The following ATP7A variants were observed in gnomAD, a reference collection of about 807,000 sequenced individuals.
The protein encoded by ATP7A is ATPase copper transporting alpha.
Under a neutral mutation model 83.5 loss-of-function variants are expected in ATP7A, and 7 were observed. The observed-to-expected ratio is 0.08, with a 90% confidence interval of 0.05 to 0.16. ATP7A has a LOEUF of 0.16. Ranked by LOEUF, ATP7A falls within the 10% of genes least tolerant of loss-of-function variation. The pLI is 1.00. For missense variants in ATP7A, 940 were observed against 1,120.8 expected (o/e 0.84, Z 2.30); for synonymous variants, 354 against 395.2 (o/e 0.90, Z 1.24).
intron 9 of ATP7A, 97 bp downstream of exon 9, chrX:78,011,771 A>G (rs782470669): frequency 2.4e-6 from 2 of 820,646 alleles, no homozygotes; most frequent in South Asian, 2.0e-5. Context: ...GATGTTAGCT[A>G]GAAGTCTGAT....
At chrX:77,937,242 T>G (rs2077324852) in intron 1 of ATP7A, among the ~76,000 whole-genome samples, 2 of 112,466 alleles carry the variant, frequency 1.8e-5, no homozygotes, top group Non-Finnish European at 3.8e-5. Flanking sequence ...GTTGTGATCC[T>G]AAACATCATC....
chrX:78,039,793 A>G (rs1217942550), intron 18 of ATP7A, among the ~76,000 whole-genome samples: 2 of 112,335 alleles, frequency 1.8e-5, no homozygotes, highest in Non-Finnish European at 3.8e-5. Context: ...TTGTACACAT[A>G]CTATTTTATT....
At chrX:77,937,069 A>G (rs2077323768) in intron 1 of ATP7A, among the ~76,000 whole-genome samples, 1 of 113,039 alleles carries the variant, frequency 8.8e-6, no homozygotes, top group African/African-American at 3.2e-5. Flanking sequence ...AGATATGAAA[A>G]TAGCAAATAA....
At chrX:77,962,525 C>T in intron 1 of ATP7A, 1 of 275,018 alleles carries the variant, frequency 3.6e-6, no homozygotes. Flanking sequence ...AACCTGGACA[C>T]CCTCCACTGT....
intron 1 of ATP7A, among the ~76,000 whole-genome samples, chrX:77,932,919 GGGGAGA>G (rs375922738): frequency 0.049 from 5,402 of 109,864 alleles, 157 homozygotes; most frequent in African/African-American, 0.1. Context: ...GGGGGACCGT[GGGGAGA>G]GGGAGAGGGA....
chrX:77,964,147 T>C (rs1395407763), intron 1 of ATP7A: 2 of 112,184 alleles, frequency 1.8e-5, no homozygotes, highest in Non-Finnish European at 3.8e-5. Context: ...AATAACATGA[T>C]TGTTTTTATA....
At chrX:77,948,577 A>T (rs1431438498) in intron 1 of ATP7A, among the ~76,000 whole-genome samples, 1 of 112,529 alleles carries the variant, frequency 8.9e-6, no homozygotes, top group Non-Finnish European at 1.9e-5. Context: ...AATGGCAGCA[A>T]CTTAAAGAAT....
At chrX:78,045,681 T>G in intron 22 of ATP7A, 109 bp downstream of exon 22, 1 of 794,347 alleles carries the variant, frequency 1.3e-6, no homozygotes, top group African/African-American at 2.0e-5. Context: ...AAACCATTCT[T>G]AATGAGAATT....
chrX:77,989,085 C>T, intron 3 of ATP7A, 148 bp from the exon 4 acceptor site: 2 of 718,743 alleles, frequency 2.8e-6, no homozygotes, highest in Non-Finnish European at 3.9e-6. Flanking sequence ...ATGCCAATAA[C>T]ATTTTCTGAA....
intron 1 of ATP7A, among the ~76,000 whole-genome samples, chrX:77,934,525 T>A (rs2077309380): frequency 8.9e-6 from 1 of 111,825 alleles, no homozygotes; most frequent in Non-Finnish European, 1.9e-5. Context: ...CTTGTTCTGT[T>A]ATGAATGCAC....
chrX:78,007,402 T>A (rs2077783622), intron 6 of ATP7A, among the ~76,000 whole-genome samples: 1 of 111,452 alleles, frequency 9.0e-6, no homozygotes, highest in South Asian at 3.7e-4. Flanking sequence ...CTTGGCTCAC[T>A]GCAAGCCCCG....
intron 1 of ATP7A, among the ~76,000 whole-genome samples, chrX:77,916,513 A>G (rs1441389506): frequency 2.7e-5 from 3 of 110,773 alleles, no homozygotes; most frequent in Non-Finnish European, 5.7e-5. Context: ...TGCTCATCCT[A>G]TTTCCCTATC....
chrX:77,969,533 C>T lies in ATP7A; in HGVS notation c.-21-2088C>T, dbSNP rs1440539287. 1 of 1,211,338 alleles carries T rather than the reference C, an allele frequency of 8.3e-7. No individual in the cohort carries two copies. Among genetic ancestry groups the T allele is most frequent in the Non-Finnish European group, 1.1e-6 (1 of 895,531 alleles). On this transcript the variant is annotated intron_variant, in intron 1 of 22. Transcript: ENST00000341514. ...GCCTGCCCGCCGCGCTTCGCCTCCT[C>T]GTGGCCCGCCGGGCTCAGATCGGCG... is the stretch of plus-strand genomic sequence containing the variant.
At chrX:77,968,517 T>C (rs1405484143) in intron 1 of ATP7A, among the ~76,000 whole-genome samples, 1 of 111,568 alleles carries the variant, frequency 9.0e-6, no homozygotes, top group African/African-American at 3.3e-5. Flanking sequence ...AGACAGGCTC[T>C]GTTGCTTCTC....
At chrX:77,918,066 C>CTT (rs1311945353) in intron 1 of ATP7A, among the ~76,000 whole-genome samples, 4 of 90,576 alleles carry the variant, frequency 4.4e-5, no homozygotes, top group Non-Finnish European at 6.7e-5. Flanking sequence ...TGTTCAGGCA[C>CTT]TTTTTTTTTT....
chrX:77,953,527 A>G (rs1335128453), intron 1 of ATP7A, among the ~76,000 whole-genome samples: 2 of 112,187 alleles, frequency 1.8e-5, no homozygotes, highest in African/African-American at 6.5e-5. Flanking sequence ...CCTTCCTGAG[A>G]TAATGATAGC....
In ATP7A at chrX:78,021,098, C is replaced by T. The variant is rs2077902945; in HGVS notation, c.2916+19C>T. 1 of 1,189,980 alleles carries T rather than the reference C, an allele frequency of 8.4e-7. No homozygotes were observed. Among genetic ancestry groups the T allele is most frequent in the Non-Finnish European group, 1.1e-6 (1 of 878,721 alleles). ...CTTTCCTGTAAGTGACTTGTAATAA[C>T]TCGTTACTATATGCAGAACAATTTG... is the stretch of plus-strand genomic sequence containing the variant. On this transcript the variant is annotated intron_variant, in intron 14 of 22. Coordinates refer to ENST00000341514, the MANE Select transcript of ATP7A (RefSeq NM_000052.7).
chrX:78,007,888 G>C (rs1405739650), intron 6 of ATP7A, among the ~76,000 whole-genome samples: 1 of 111,570 alleles, frequency 9.0e-6, no homozygotes, highest in African/African-American at 3.3e-5. Flanking sequence ...CATATAACAT[G>C]GGGTATCCAT....
At chrX:77,933,514 C>A (rs1342876138) in intron 1 of ATP7A, among the ~76,000 whole-genome samples, 1 of 111,589 alleles carries the variant, frequency 9.0e-6, no homozygotes, top group Non-Finnish European at 1.9e-5. Context: ...ATGCTTAGGA[C>A]CGGAAGTGTT....
Sources: allele counts gnomAD v4.1 joint callset (sites outside exome capture counted in the v4.1 genomes callset), GRCh38; gene constraint gnomAD v4.1.1; transcripts MANE v1.5; gene names NCBI Gene and HGNC (gene_info 2026-07-23, HGNC 2026-07-21).